The following TMEM117 variants were observed in gnomAD, a reference collection of about 807,000 sequenced individuals.
TMEM117 encodes the protein transmembrane protein 117.
Under a neutral mutation model 52.4 loss-of-function variants are expected in TMEM117, and 27 were observed. The observed-to-expected ratio is 0.51, with a 90% CI of 0.38 to 0.71. The LOEUF (loss-of-function observed/expected upper bound fraction) is 0.71. Ranked by LOEUF, TMEM117 falls within the 30% of genes least tolerant of loss-of-function variation. The pLI, the probability that TMEM117 is intolerant of heterozygous loss-of-function variation, is 0.00. For missense variants in TMEM117, 556 were observed against 630.5 expected, an observed-to-expected ratio of 0.88 and a Z score of 1.26; for synonymous variants, 215 against 206.3, an observed-to-expected ratio of 1.04 and a Z score of -0.36.
chr12:44,004,463 A>T (rs1351330215), intron 3 of TMEM117, among the ~76,000 whole-genome samples: 1 of 152,194 alleles, frequency 6.6e-6, no homozygotes, highest in East Asian at 1.9e-4. Context: ...CACAAAGAGA[A>T]TGGAGCCCTC....
intron 3 of TMEM117, among the ~76,000 whole-genome samples, chr12:44,129,753 A>G (rs193038981): frequency 6.6e-6 from 1 of 152,220 alleles, no homozygotes; most frequent in Non-Finnish European, 1.5e-5. Flanking sequence ...AAGCTTAGTC[A>G]GTTAGAATGC....
intron 3 of TMEM117, among the ~76,000 whole-genome samples, chr12:44,081,541 C>G (rs1947481679): frequency 6.6e-6 from 1 of 152,046 alleles, no homozygotes; most frequent in Non-Finnish European, 1.5e-5. Context: ...ATTTAAAAAC[C>G]TTATTTGTAG....
intron 3 of TMEM117, among the ~76,000 whole-genome samples, chr12:44,104,146 GA>G (rs1421647911): frequency 6.6e-6 from 1 of 151,952 alleles, no homozygotes; most frequent in African/African-American, 2.4e-5. Context: ...CTGTTAAATG[GA>G]AGCTATCCTG....
At chr12:44,166,464 C>T (rs534191718) in intron 4 of TMEM117, among the ~76,000 whole-genome samples, 1 of 152,038 alleles carries the variant, frequency 6.6e-6, no homozygotes, top group South Asian at 2.1e-4. Flanking sequence ...GTGTTTGGAC[C>T]AAATATGCTA....
chr12:43,861,033 TGAAG>T (rs1242360553), intron 2 of TMEM117, among the ~76,000 whole-genome samples: 2 of 152,044 alleles, frequency 1.3e-5, no homozygotes, highest in Non-Finnish European at 2.9e-5. Context: ...GACATAGAAG[TGAAG>T]GAAGATGCTT....
intron 3 of TMEM117, among the ~76,000 whole-genome samples, chr12:44,021,336 G>A (rs1271289632): frequency 6.6e-6 from 1 of 151,970 alleles, no homozygotes; most frequent in Non-Finnish European, 1.5e-5. Flanking sequence ...TTATTATTTA[G>A]TTCCCACTTG....
intron 3 of TMEM117, among the ~76,000 whole-genome samples, chr12:44,006,189 G>A (rs1334546755): frequency 6.6e-6 from 1 of 152,172 alleles, no homozygotes; most frequent in Non-Finnish European, 1.5e-5. Flanking sequence ...ACTTATCTGT[G>A]CTTTCTGCAA....
At chr12:43,931,258 G>T (rs10785481) in intron 2 of TMEM117, among the ~76,000 whole-genome samples, 100,161 of 152,178 alleles carry the variant, frequency 0.66, 38,203 homozygotes, top group Non-Finnish European at 0.82. Flanking sequence ...GCCTAATAAA[G>T]TTTAATAGAA....
chr12:44,061,897 TAAG>T (rs1947144756), intron 3 of TMEM117, among the ~76,000 whole-genome samples: 1 of 152,088 alleles, frequency 6.6e-6, no homozygotes, highest in Non-Finnish European at 1.5e-5. Flanking sequence ...AGGCCATGAA[TAAG>T]AGGTGGTTAT....
At chr12:44,125,762 C>T (rs746659457) in intron 3 of TMEM117, among the ~76,000 whole-genome samples, 2 of 151,804 alleles carry the variant, frequency 1.3e-5, no homozygotes, top group Admixed American at 6.6e-5. Flanking sequence ...GGTTGCTTTG[C>T]GGTTGTTTGC....
intron 3 of TMEM117, among the ~76,000 whole-genome samples, chr12:44,060,000 A>G (rs2137951239): frequency 6.6e-6 from 1 of 152,338 alleles, no homozygotes; most frequent in African/African-American, 2.4e-5. Context: ...TATCCCAAGT[A>G]CCTTGGGAAT....
chr12:43,905,457 A>G (rs1426663382), intron 2 of TMEM117, among the ~76,000 whole-genome samples: 1 of 152,190 alleles, frequency 6.6e-6, no homozygotes, highest in Non-Finnish European at 1.5e-5. Flanking sequence ...GGCTGAAGAC[A>G]TTCTCCCATT....
At chr12:43,919,708 A>C (rs1259732785) in intron 2 of TMEM117, among the ~76,000 whole-genome samples, 1 of 151,976 alleles carries the variant, frequency 6.6e-6, no homozygotes, top group South Asian at 2.1e-4. Context: ...TAATTTTTTG[A>C]GAAACCTCCA....
At chr12:44,363,424 A>G (rs541822837) in intron 6 of TMEM117, among the ~76,000 whole-genome samples, 6 of 152,314 alleles carry the variant, frequency 3.9e-5, no homozygotes, top group Middle Eastern at 3.4e-3. Flanking sequence ...ATATTAGTAA[A>G]GGAAGATGTA....
the TMEM117 span, among the ~76,000 whole-genome samples, chr12:44,396,848 C>CAAAAA: frequency 1.5e-5 from 1 of 66,426 alleles, no homozygotes; most frequent in African/African-American, 4.9e-5. Flanking sequence ...AGTGAGACTC[C>CAAAAA]AAAAAAAAAA....
chr12:44,191,824 T>C (rs1949358834), intron 4 of TMEM117, among the ~76,000 whole-genome samples: 1 of 152,172 alleles, frequency 6.6e-6, no homozygotes, highest in African/African-American at 2.4e-5. Flanking sequence ...TGTTTTAAAT[T>C]GAATTGAACT....
At chr12:44,362,526 G>A (rs1401302514) in intron 6 of TMEM117, among the ~76,000 whole-genome samples, 8 of 151,868 alleles carry the variant, frequency 5.3e-5, no homozygotes, top group African/African-American at 1.7e-4. Context: ...GTTCTTGAAT[G>A]TGCAAATATT....
chr12:43,983,827 A>G (rs1338112621), intron 3 of TMEM117, among the ~76,000 whole-genome samples: 1 of 152,080 alleles, frequency 6.6e-6, no homozygotes, highest in Non-Finnish European at 1.5e-5. Flanking sequence ...TTTACACTCC[A>G]GTCTATGGGA....
chr12:44,320,658 G>A (rs79515389), intron 6 of TMEM117, among the ~76,000 whole-genome samples: 7,324 of 152,232 alleles, frequency 0.048, 364 homozygotes, highest in African/African-American at 0.12. Context: ...CCCAGTGTGC[G>A]TGCTTCACTG....
Sources: allele counts gnomAD v4.1 joint callset (sites outside exome capture counted in the v4.1 genomes callset), GRCh38; gene constraint gnomAD v4.1.1; transcripts MANE v1.5; gene names NCBI Gene and HGNC (gene_info 2026-07-23, HGNC 2026-07-21).